CEP112: variants seen among roughly 807,000 people sequenced by gnomAD.
CEP112 encodes the protein centrosomal protein of 112 kDa.
CEP112 carries 127 observed loss-of-function variants against 153.0 expected under a neutral mutation model. The ratio of observed to expected loss-of-function variants is 0.83; its 90% CI spans 0.72 to 0.96. The LOEUF (loss-of-function observed/expected upper bound fraction) is 0.96, where lower values mean the gene tolerates loss of function less well. Ranked by LOEUF, CEP112 falls within the 40% of genes least tolerant of loss-of-function variation. The probability of loss-of-function intolerance (pLI) is 0.00; values close to 1 mark genes in which losing one functional copy is unlikely to be tolerated. For synonymous variants in CEP112, 358 were observed against 374.4 expected (o/e 0.96, Z 0.51); for missense variants, 1,089 against 1,101.2 (o/e 0.99, Z 0.16).
chr17:65,866,018 G>A (rs1417265133), intron 20 of CEP112, among the ~76,000 whole-genome samples: 1 of 151,998 alleles, frequency 6.6e-6, no homozygotes, highest in Non-Finnish European at 1.5e-5. Flanking sequence ...TGTGGACCTG[G>A]GCCTCCCTGT....
Position 65,927,651 on chromosome 17 carries a change from A to T in CEP112, c.1911T>A (p.Ser637=), listed in dbSNP as rs1338864239. 1 of 1,601,704 alleles carries T rather than the reference A, an allele frequency of 6.2e-7. No homozygotes were observed. Among genetic ancestry groups the T allele is most frequent in the Non-Finnish European group, 8.5e-7 (1 of 1,176,338 alleles). Residue 637 remains serine (S), a synonymous_variant, in exon 19 of 27, where the codon TCT becomes TCA. Coordinates refer to ENST00000535342, the MANE Select transcript of CEP112 (RefSeq NM_001199165.4). ...KVEADLTRSK[S]LREKQSKEFL... ...ACTCCTTTGATTGTTTCTCACGAAG[A>T]GATTTGGATCTAGTTAGATCTGCCT...
chr17:65,699,502 C>T (rs1467933109), intron 23 of CEP112, among the ~76,000 whole-genome samples: 4 of 152,128 alleles, frequency 2.6e-5, no homozygotes, highest in East Asian at 1.9e-4. Flanking sequence ...CCTTTTTTCA[C>T]GATCTAGAGG....
intron 21 of CEP112, among the ~76,000 whole-genome samples, chr17:65,820,986 A>G (rs770728996): frequency 2.6e-5 from 4 of 152,148 alleles, no homozygotes; most frequent in Non-Finnish European, 5.9e-5. Flanking sequence ...ATGGGAACAA[A>G]TGTCCATTTT....
At chr17:65,797,160 C>T (rs887646067) in intron 21 of CEP112, 2 of 152,216 alleles carry the variant, frequency 1.3e-5, no homozygotes, top group Admixed American at 1.3e-4. Context: ...ATGATCAGTA[C>T]CACAGATTTC....
intron 20 of CEP112, among the ~76,000 whole-genome samples, chr17:65,901,512 T>C (rs551231753): frequency 6.6e-6 from 1 of 152,156 alleles, no homozygotes; most frequent in Non-Finnish European, 1.5e-5. Flanking sequence ...GCACATTTCA[T>C]CCACAAGTTT....
At chr17:65,985,549 T>C (rs1445694732) in intron 17 of CEP112, among the ~76,000 whole-genome samples, 2 of 152,170 alleles carry the variant, frequency 1.3e-5, no homozygotes, top group African/African-American at 4.8e-5. Flanking sequence ...CAGGAATAAT[T>C]TTTTAAGGGA....
At chr17:66,050,411 G>C (rs1410630610) in intron 12 of CEP112, among the ~76,000 whole-genome samples, 1 of 152,068 alleles carries the variant, frequency 6.6e-6, no homozygotes, top group Non-Finnish European at 1.5e-5. Context: ...AGTTGCCATG[G>C]TAAAAACCTC....
intron 19 of CEP112, among the ~76,000 whole-genome samples, chr17:65,916,375 C>T (rs2060492399): frequency 6.6e-6 from 1 of 151,402 alleles, no homozygotes; most frequent in Non-Finnish European, 1.5e-5. Flanking sequence ...ATTTTGTTCA[C>T]TGTTATATCC....
intron 12 of CEP112, among the ~76,000 whole-genome samples, chr17:66,048,344 G>A (rs1250398362): frequency 1.3e-5 from 2 of 151,978 alleles, no homozygotes; most frequent in Non-Finnish European, 2.9e-5. Flanking sequence ...CACATATATA[G>A]AAGTTCAATA....
intron 21 of CEP112, chr17:65,826,019 G>T: frequency 1.0e-6 from 1 of 953,204 alleles, no homozygotes; most frequent in Non-Finnish European, 1.6e-6. Context: ...CATCATCCCT[G>T]CCCTATCAAA....
intron 4 of CEP112, among the ~76,000 whole-genome samples, chr17:66,136,015 T>TG (rs1427447502): frequency 6.6e-6 from 1 of 152,156 alleles, no homozygotes; most frequent in Non-Finnish European, 1.5e-5. Flanking sequence ...ATTTCCTTTG[T>TG]GAGACATCCA....
intron 2 of CEP112, among the ~76,000 whole-genome samples, chr17:66,180,226 C>G (rs2072663087): frequency 2.6e-5 from 4 of 152,010 alleles, no homozygotes; most frequent in Admixed American, 2.0e-4. Flanking sequence ...ATATTCCTCC[C>G]TCCTCTATTT....
intron 20 of CEP112, among the ~76,000 whole-genome samples, chr17:65,883,674 T>G (rs2059167731): frequency 6.6e-6 from 1 of 152,184 alleles, no homozygotes; most frequent in Non-Finnish European, 1.5e-5. Context: ...GCCAGAAGTT[T>G]ATATTTTACT....
At chr17:65,971,063 A>G (rs1384647772) in intron 17 of CEP112, among the ~76,000 whole-genome samples, 2 of 152,340 alleles carry the variant, frequency 1.3e-5, no homozygotes, top group South Asian at 2.1e-4. Flanking sequence ...TCTATTACAT[A>G]CATGCATGTC....
At chr17:66,031,484 TTG>T (rs57957896) in intron 12 of CEP112, among the ~76,000 whole-genome samples, 50,829 of 95,490 alleles carry the variant, frequency 0.53, 8,935 homozygotes, top group Non-Finnish European at 0.57. Flanking sequence ...TTTTTTTTTT[TTG>T]TTTTTTTTTT....
chr17:65,640,154 A>ATCTTTTTTTTTTTTTTTTTTTTTTT (rs1300751452), intron 25 of CEP112, among the ~76,000 whole-genome samples: 1 of 78,348 alleles, frequency 1.3e-5, no homozygotes, highest in Non-Finnish European at 2.1e-5. Context: ...ATATATATAT[A>ATCTTTTTTTTTTTTTTTTTTTTTTT]TTTTTTTTTT....
chr17:66,063,782 T>A (rs1309231547), intron 10 of CEP112, among the ~76,000 whole-genome samples: 1 of 152,034 alleles, frequency 6.6e-6, no homozygotes, highest in Non-Finnish European at 1.5e-5. Context: ...TGGACAAGAG[T>A]TCCTCATGGT....
intron 21 of CEP112, among the ~76,000 whole-genome samples, chr17:65,817,954 T>G (rs1334465981): frequency 1.3e-5 from 2 of 151,882 alleles, no homozygotes; most frequent in Non-Finnish European, 3.0e-5. Context: ...ATAAACTAAT[T>G]TGCATTTTTT....
At chr17:66,008,815 T>C (rs1318442539) in intron 16 of CEP112, among the ~76,000 whole-genome samples, 1 of 152,126 alleles carries the variant, frequency 6.6e-6, no homozygotes, top group Non-Finnish European at 1.5e-5. Flanking sequence ...ACCTTCCATG[T>C]TATTGCAAAT....
Sources: allele counts gnomAD v4.1 joint callset (sites outside exome capture counted in the v4.1 genomes callset), GRCh38; gene constraint gnomAD v4.1.1; transcripts MANE v1.5; gene names NCBI Gene and HGNC (gene_info 2026-07-23, HGNC 2026-07-21).